Variants in ATP8A2 observed in about 807,000 individuals in gnomAD.
ATP8A2 encodes the protein ATPase phospholipid transporting 8A2, also known as phospholipid-transporting ATPase IB.
ATP8A2 carries 100 observed loss-of-function variants against 165.6 expected under a neutral mutation model. The ratio of observed to expected loss-of-function variants is 0.60; its 90% CI spans 0.51 to 0.71. ATP8A2 has a LOEUF of 0.71. ATP8A2 is among the 30% of genes least tolerant of loss of function. The probability of loss-of-function intolerance (pLI) is 0.00; values close to 1 mark genes in which losing one functional copy is unlikely to be tolerated. For missense variants in ATP8A2, 1,227 were observed against 1,479.5 expected, an observed-to-expected ratio of 0.83 and a Z score of 2.80; for synonymous variants, 543 against 548.8, an observed-to-expected ratio of 0.99 and a Z score of 0.15.
At chr13:25,783,012 A>T (rs2044923271) in intron 27 of ATP8A2, among the ~76,000 whole-genome samples, 2 of 152,238 alleles carry the variant, frequency 1.3e-5, no homozygotes, top group Admixed American at 1.3e-4. Context: ...AAGTGCTGGG[A>T]TTACAGGCGT....
intron 33 of ATP8A2, among the ~76,000 whole-genome samples, chr13:25,882,162 C>T (rs942341441): frequency 1.3e-5 from 2 of 152,098 alleles, no homozygotes; most frequent in African/African-American, 2.4e-5. Flanking sequence ...AAACCTGACT[C>T]GGCATTGGGT....
chr13:25,978,974 T>A (rs1213621265), intron 35 of ATP8A2, among the ~76,000 whole-genome samples: 1 of 152,054 alleles, frequency 6.6e-6, no homozygotes, highest in African/African-American at 2.4e-5. Flanking sequence ...GCTGGATGTT[T>A]TTTATTCATA....
intron 27 of ATP8A2, among the ~76,000 whole-genome samples, chr13:25,775,549 G>C (rs1593327967): frequency 6.6e-6 from 1 of 152,122 alleles, no homozygotes; most frequent in East Asian, 1.9e-4. Context: ...TCTGTTGTCA[G>C]ACAATTTTCC....
At chr13:25,931,133 G>A (rs1954759763) in intron 33 of ATP8A2, among the ~76,000 whole-genome samples, 1 of 152,194 alleles carries the variant, frequency 6.6e-6, no homozygotes, top group Non-Finnish European at 1.5e-5. Flanking sequence ...AGACCTGACA[G>A]GACGCCACGG....
chr13:25,705,320 G>A (rs1370198238), intron 25 of ATP8A2: 4 of 233,746 alleles, frequency 1.7e-5, no homozygotes, highest in Non-Finnish European at 3.4e-5. Context: ...GAGGACGTTA[G>A]TGATGGCCCC....
At chr13:25,904,195 C>G (rs1953858442) in intron 33 of ATP8A2, among the ~76,000 whole-genome samples, 1 of 152,286 alleles carries the variant, frequency 6.6e-6, no homozygotes, top group African/African-American at 2.4e-5. Context: ...TGAAGCATTT[C>G]AGATTTCACA....
intron 27 of ATP8A2, among the ~76,000 whole-genome samples, chr13:25,781,057 C>T (rs919318625): frequency 4.6e-5 from 7 of 152,048 alleles, no homozygotes; most frequent in South Asian, 2.1e-4. Context: ...GTCAGGAGAT[C>T]GAGACCATCC....
chr13:25,510,828 G>C (rs1265941296), intron 2 of ATP8A2, among the ~76,000 whole-genome samples: 1 of 152,132 alleles, frequency 6.6e-6, no homozygotes, highest in African/African-American at 2.4e-5. Flanking sequence ...ATAATCAGCT[G>C]TCCCTTGACA....
At chr13:25,447,528 G>A (rs1489278782) in intron 1 of ATP8A2, among the ~76,000 whole-genome samples, 1 of 152,206 alleles carries the variant, frequency 6.6e-6, no homozygotes, top group Non-Finnish European at 1.5e-5. Context: ...GAGCTGGGGT[G>A]AGTGCCTTTG....
intron 2 of ATP8A2, among the ~76,000 whole-genome samples, chr13:25,507,160 A>G (rs1180123391): frequency 4.6e-5 from 7 of 151,732 alleles, no homozygotes; most frequent in Admixed American, 6.6e-5. Flanking sequence ...ATACATGCCA[A>G]TATATTGAAG....
At chr13:25,509,752 A>G (rs1323985300) in intron 2 of ATP8A2, among the ~76,000 whole-genome samples, 1 of 152,356 alleles carries the variant, frequency 6.6e-6, no homozygotes, top group African/African-American at 2.4e-5. Context: ...ACTAATGAGT[A>G]AATTAAATGA....
chr13:25,908,445 A>T (rs7342464), intron 33 of ATP8A2, among the ~76,000 whole-genome samples: 1,711 of 152,362 alleles, frequency 0.011, 21 homozygotes, highest in African/African-American at 0.039. Context: ...TTGTCTTACA[A>T]GAAAGTAATG....
rs142115360 is a variant in ATP8A2, at chr13:25,979,420, G to A, written c.3377+10741G>A. Among the ~76,000 whole-genome samples the A allele has an allele frequency of 2.2e-4, 34 of 152,326 alleles. No individual in the cohort carries two copies. In the East Asian group the frequency reaches 3.9e-3, roughly 17 times the overall value. On this transcript the variant is annotated intron_variant, in intron 35 of 36. Transcript: ENST00000381655. ...AGGACACGTGAATGACTGTCACAGA[G>A]CCTGGATTGTTAGTGATTCAGTGAG...
intron 24 of ATP8A2, among the ~76,000 whole-genome samples, chr13:25,682,996 G>T (rs1261245299): frequency 6.6e-6 from 1 of 152,120 alleles, no homozygotes; most frequent in Non-Finnish European, 1.5e-5. Flanking sequence ...ACCATAAAAG[G>T]TTGAAAGCTT....
At chr13:25,725,546 T>A (rs2043474623) in intron 25 of ATP8A2, among the ~76,000 whole-genome samples, 1 of 152,108 alleles carries the variant, frequency 6.6e-6, no homozygotes, top group African/African-American at 2.4e-5. Flanking sequence ...GTGAGCTGGG[T>A]CTTCTGGAGC....
At chr13:25,487,977 G>A (rs1025864862) in intron 2 of ATP8A2, among the ~76,000 whole-genome samples, 1 of 152,022 alleles carries the variant, frequency 6.6e-6, no homozygotes, top group Non-Finnish European at 1.5e-5. Context: ...CCATGATTTC[G>A]CTGAGTCTGA....
chr13:26,004,274 T>G (rs2139331395), intron 35 of ATP8A2, among the ~76,000 whole-genome samples: 1 of 152,216 alleles, frequency 6.6e-6, no homozygotes, highest in East Asian at 1.9e-4. Context: ...GTTGTTGTGC[T>G]TGTAAATGGA....
intron 33 of ATP8A2, among the ~76,000 whole-genome samples, chr13:25,882,661 C>T (rs979011797): frequency 3.9e-5 from 6 of 152,154 alleles, no homozygotes; most frequent in East Asian, 1.9e-4. Flanking sequence ...AAACCCCATG[C>T]GGCATGCTGG....
chr13:25,824,757 C>A (rs1045342648), intron 27 of ATP8A2, among the ~76,000 whole-genome samples: 1 of 151,996 alleles, frequency 6.6e-6, no homozygotes, highest in African/African-American at 2.4e-5. Flanking sequence ...TCAGTGTCTG[C>A]CAAGTTGATT....
Sources: allele counts gnomAD v4.1 joint callset (sites outside exome capture counted in the v4.1 genomes callset), GRCh38; gene constraint gnomAD v4.1.1; transcripts MANE v1.5; gene names NCBI Gene and HGNC (gene_info 2026-07-23, HGNC 2026-07-21).